The following NDUFS4 variants were observed in gnomAD, a reference collection of about 807,000 sequenced individuals.
The protein encoded by NDUFS4 is NADH:ubiquinone oxidoreductase subunit S4, also known as NADH dehydrogenase [ubiquinone] iron-sulfur protein 4, mitochondrial.
In NDUFS4, 28 loss-of-function variants were observed where a neutral mutation model predicts 24.3. The observed-to-expected ratio is 1.15, with a 90% confidence interval of 0.85 to 1.58. The LOEUF (loss-of-function observed/expected upper bound fraction) is 1.58, where lower values mean the gene tolerates loss of function less well. NDUFS4 is among the 40% of genes most tolerant of loss of function. The probability of loss-of-function intolerance (pLI) is 0.00; values close to 1 mark genes in which losing one functional copy is unlikely to be tolerated. For synonymous variants in NDUFS4, 93 were observed against 69.7 expected (o/e 1.34, Z -1.67); for missense variants, 223 against 207.9 (o/e 1.07, Z -0.45).
intron 4 of NDUFS4, among the ~76,000 whole-genome samples, chr5:53,671,639 C>T (rs1013933782): frequency 4.6e-5 from 7 of 152,108 alleles, no homozygotes; most frequent in Non-Finnish European, 1.0e-4. Flanking sequence ...AAGACCCACC[C>T]TTCTCACCCA....
intron 4 of NDUFS4, among the ~76,000 whole-genome samples, chr5:53,660,774 G>A (rs1752317424): frequency 6.6e-6 from 1 of 152,128 alleles, no homozygotes; most frequent in Non-Finnish European, 1.5e-5. Context: ...TTTTTCATGT[G>A]TCTTTTGGCT....
At chr5:53,634,050 G>T (rs1471029880) in intron 2 of NDUFS4, among the ~76,000 whole-genome samples, 1 of 152,284 alleles carries the variant, frequency 6.6e-6, no homozygotes, top group African/African-American at 2.4e-5. Context: ...AATGTTTAAG[G>T]TTTGTGTATA....
chr5:53,601,772 GTC>G (rs1184864128), intron 1 of NDUFS4, among the ~76,000 whole-genome samples: 1 of 152,152 alleles, frequency 6.6e-6, no homozygotes, highest in Non-Finnish European at 1.5e-5. Flanking sequence ...TCATCCCTTT[GTC>G]TAGTGTATCC....
rs377532128 is a variant in NDUFS4, at chr5:53,651,247, CTTTT to C, written c.350+4846_350+4849del. ...TTGATTAGAACAGAGAATTGCTACT[CTTTT>C]TTTAGCATTTTAATGACACAAAAAT... On this transcript the variant is annotated intron_variant, in intron 3 of 4. Coordinates refer to ENST00000296684, the MANE Select transcript of NDUFS4 (RefSeq NM_002495.4). Among the ~76,000 whole-genome samples the C allele has an allele frequency of 8.6e-5, 13 of 151,908 alleles. No homozygotes were observed. In the South Asian group the frequency reaches 2.7e-3, roughly 32 times the overall value.
intron 2 of NDUFS4, among the ~76,000 whole-genome samples, chr5:53,605,402 C>T (rs1750467564): frequency 6.6e-6 from 1 of 152,138 alleles, no homozygotes; most frequent in African/African-American, 2.4e-5. Context: ...ACTAATAACT[C>T]TTCTAAGTTC....
At chr5:53,581,642 A>G (rs1164729678) in intron 1 of NDUFS4, among the ~76,000 whole-genome samples, 5 of 152,094 alleles carry the variant, frequency 3.3e-5, no homozygotes. Context: ...CCCTTTGCCT[A>G]TTTAAGTCCT....
At chr5:53,678,964 A>G (rs1375022819) in intron 4 of NDUFS4, among the ~76,000 whole-genome samples, 2 of 152,230 alleles carry the variant, frequency 1.3e-5, no homozygotes, top group South Asian at 2.1e-4. Context: ...TACTGTAACA[A>G]ACACCTTGGA....
chr5:53,594,777 A>G (rs1375401652), intron 1 of NDUFS4, among the ~76,000 whole-genome samples: 2 of 152,104 alleles, frequency 1.3e-5, no homozygotes, highest in Non-Finnish European at 2.9e-5. Context: ...TAACCACTCA[A>G]AAGTTATTAA....
chr5:53,667,789 G>T (rs1752563361), intron 4 of NDUFS4, among the ~76,000 whole-genome samples: 1 of 152,158 alleles, frequency 6.6e-6, no homozygotes, highest in South Asian at 2.1e-4. Flanking sequence ...CATCACAGGA[G>T]AACTTGAACA....
intron 4 of NDUFS4, 118 bp from the exon 5 acceptor site, chr5:53,683,000 C>T (rs961325686): frequency 7.4e-5 from 58 of 784,248 alleles, no homozygotes; most frequent in Non-Finnish European, 1.3e-4. Context: ...TTGACATATA[C>T]TCTTGATGAT....
At chr5:53,611,289 GTC>G (rs546102443) in intron 2 of NDUFS4, among the ~76,000 whole-genome samples, 1 of 150,790 alleles carries the variant, frequency 6.6e-6, no homozygotes, top group Non-Finnish European at 1.5e-5. Flanking sequence ...GAAAGGAAAA[GTC>G]TGCTTAGCAT....
intron 1 of NDUFS4, among the ~76,000 whole-genome samples, chr5:53,572,742 C>T (rs1371176913): frequency 6.6e-6 from 1 of 151,010 alleles, no homozygotes; most frequent in Non-Finnish European, 1.5e-5. Flanking sequence ...CTCCTGGGTT[C>T]AAGTGGATTC....
chr5:53,636,994 A>G (rs1751576036), intron 2 of NDUFS4, among the ~76,000 whole-genome samples: 1 of 152,196 alleles, frequency 6.6e-6, no homozygotes, highest in African/African-American at 2.4e-5. Context: ...AGTTTCAGGT[A>G]TTACTTTACA....
At chr5:53,596,805 C>CAA (rs1750148056) in intron 1 of NDUFS4, among the ~76,000 whole-genome samples, 2 of 152,142 alleles carry the variant, frequency 1.3e-5, no homozygotes, top group South Asian at 4.1e-4. Flanking sequence ...TAGTTCTAAT[C>CAA]AAAAGGCTAA....
chr5:53,652,467 G>T (rs573806174), intron 3 of NDUFS4, among the ~76,000 whole-genome samples: 2 of 152,254 alleles, frequency 1.3e-5, no homozygotes, highest in South Asian at 4.1e-4. Flanking sequence ...CCTCAGTGGG[G>T]ATTGAGGGGA....
intron 1 of NDUFS4, among the ~76,000 whole-genome samples, chr5:53,569,314 CT>C (rs1216718362): frequency 6.6e-6 from 1 of 152,056 alleles, no homozygotes; most frequent in Admixed American, 6.6e-5. Context: ...CATAATATGG[CT>C]TTTTGTTCAG....
intron 2 of NDUFS4, among the ~76,000 whole-genome samples, chr5:53,610,540 A>G (rs1008533351): frequency 6.7e-6 from 1 of 149,054 alleles, no homozygotes; most frequent in Non-Finnish European, 1.5e-5. Context: ...AAACAAAAAC[A>G]TAAAAAAACA....
chr5:53,668,812 A>C (rs1452377909), intron 4 of NDUFS4, among the ~76,000 whole-genome samples: 1 of 152,056 alleles, frequency 6.6e-6, no homozygotes, highest in Non-Finnish European at 1.5e-5. Flanking sequence ...TTGGGTAATA[A>C]GTATTGTCAC....
chr5:53,675,157 C>CTTTTTT lies in NDUFS4; in HGVS notation c.425-7944_425-7939dup, dbSNP rs70983372. Among the ~76,000 whole-genome samples, 6 of 102,968 alleles carry CTTTTTT rather than the reference C, an allele frequency of 5.8e-5. 1 individual carries two copies. Among genetic ancestry groups the CTTTTTT allele is most frequent in the African/African-American group, 1.1e-4 (3 of 26,294 alleles). The allele number at this position is 102,968 out of a possible 152,430, so 67.6% of individuals were successfully genotyped here. ...CTATAAGCTAATCAGAACAGAGTTC[C>CTTTTTT]TTTTTTTTTTTTTTTTTTTTTTGAG... On this transcript the variant is annotated intron_variant, in intron 4 of 4. Transcript: ENST00000296684.
Sources: gnomAD v4.1 joint callset for allele counts (sites outside exome capture counted in the v4.1 genomes callset) on GRCh38, gnomAD v4.1.1 for gene constraint, MANE v1.5 for transcripts, NCBI Gene and HGNC (gene_info 2026-07-23, HGNC 2026-07-21) for gene names.